DHRSX: variants seen among roughly 807,000 people sequenced by gnomAD.
DHRSX encodes dehydrogenase/reductase X-linked.
In DHRSX, 31 loss-of-function variants were observed where a neutral mutation model predicts 34.0. The observed-to-expected ratio is 0.91, with a 90% CI of 0.69 to 1.23. DHRSX has a LOEUF of 1.23. Among genes scored for constraint, DHRSX ranks in the 50% most tolerant of loss-of-function variants. DHRSX has a pLI of 0.00. For synonymous variants in DHRSX, 201 were observed against 183.8 expected (o/e 1.09, Z -0.76); for missense variants, 414 against 428.1 (o/e 0.97, Z 0.29).
chrX:2,432,128 A>G (rs2043933517), intron 1 of DHRSX, among the ~76,000 whole-genome samples: 1 of 152,038 alleles, frequency 6.6e-6, no homozygotes, highest in Non-Finnish European at 1.5e-5. Context: ...CGGGAGGTGG[A>G]GCTTGCAGTG....
chrX:2,490,800 T>G, intron 1 of DHRSX: 2 of 1,541,912 alleles, frequency 1.3e-6, no homozygotes, highest in Non-Finnish European at 1.7e-6. Context: ...AAACACAGCA[T>G]GAGAAGGGAC....
chrX:2,349,126 C>T (rs969398415), intron 3 of DHRSX, among the ~76,000 whole-genome samples: 1 of 151,998 alleles, frequency 6.6e-6, no homozygotes, highest in Non-Finnish European at 1.5e-5. Context: ...TAGAACTACT[C>T]GATGATCCAG....
chrX:2,223,070 T>C (rs140632115), intron 6 of DHRSX, among the ~76,000 whole-genome samples: 1 of 152,134 alleles, frequency 6.6e-6, no homozygotes, highest in Non-Finnish European at 1.5e-5. Flanking sequence ...CCCAGAGATC[T>C]TGCAAACCCA....
intron 4 of DHRSX, among the ~76,000 whole-genome samples, chrX:2,283,529 G>C (rs2041759602): frequency 6.6e-6 from 1 of 152,128 alleles, no homozygotes; most frequent in Non-Finnish European, 1.5e-5. Flanking sequence ...GAGTCACATA[G>C]AAAATGCCAG....
chrX:2,432,384 G>A lies in DHRSX; in HGVS notation c.110-7080C>T, dbSNP rs747360844. On this transcript the variant is annotated intron_variant, in intron 1 of 6. Coordinates refer to ENST00000334651, the MANE Select transcript of DHRSX (RefSeq NM_145177.3). ...GAATCGATTCGAAAATTGCTGTGGG[G>A]AAAAGAATTCCAAATGAGGCGGCAA... is the stretch of plus-strand genomic sequence containing the variant. 2.0e-3 allele frequency among the ~76,000 whole-genome samples: 308 copies of A among 152,228 alleles called. 3 individuals are homozygous for A. The highest frequency in any genetic ancestry group is 2.8e-3 in the Non-Finnish European group (192 of 68,008).
chrX:2,252,969 T>C (rs779701273), intron 5 of DHRSX, among the ~76,000 whole-genome samples: 2 of 152,302 alleles, frequency 1.3e-5, no homozygotes, highest in East Asian at 3.9e-4. Flanking sequence ...GCAGGTCGCT[T>C]GAGCCCAGGA....
chrX:2,224,693 T>C (rs980331034), intron 6 of DHRSX, among the ~76,000 whole-genome samples: 7 of 151,892 alleles, frequency 4.6e-5, no homozygotes, highest in African/African-American at 1.7e-4. Flanking sequence ...TGCACACAAA[T>C]ATATATACAC....
chrX:2,385,332 G>C (rs193087269), intron 3 of DHRSX, among the ~76,000 whole-genome samples: 5 of 152,178 alleles, frequency 3.3e-5, no homozygotes, highest in Middle Eastern at 3.4e-3. Flanking sequence ...TGATGGTCAT[G>C]GTTGCTTTAA....
At chrX:2,468,898 G>C (rs1199456103) in intron 1 of DHRSX, among the ~76,000 whole-genome samples, 3 of 150,140 alleles carry the variant, frequency 2.0e-5, no homozygotes, top group African/African-American at 7.4e-5. Context: ...CTAGCAATAA[G>C]GCCAAGTGAC....
chrX:2,404,241 C>A (rs2043525029), intron 3 of DHRSX, among the ~76,000 whole-genome samples: 1 of 151,960 alleles, frequency 6.6e-6, no homozygotes, highest in Non-Finnish European at 1.5e-5. Context: ...ACAGATGGGC[C>A]CTGGGCACCT....
At chrX:2,346,830 T>C (rs1403341049) in intron 3 of DHRSX, among the ~76,000 whole-genome samples, 1 of 151,890 alleles carries the variant, frequency 6.6e-6, no homozygotes. Context: ...CCCCAGTGTG[T>C]GATGTTCCCC....
intron 1 of DHRSX, among the ~76,000 whole-genome samples, chrX:2,428,911 C>T (rs1180503627): frequency 1.3e-5 from 2 of 152,072 alleles, no homozygotes; most frequent in Non-Finnish European, 2.9e-5. Context: ...GGAGGTGGGG[C>T]CTGTGGAGGA....
At chrX:2,458,776 T>C (rs1368489649) in intron 1 of DHRSX, among the ~76,000 whole-genome samples, 2 of 151,764 alleles carry the variant, frequency 1.3e-5, no homozygotes, top group Non-Finnish European at 2.9e-5. Flanking sequence ...GGAAGGAGGA[T>C]CACAGAAGGC....
At chrX:2,256,413 A>G (rs1360443717) in intron 5 of DHRSX, among the ~76,000 whole-genome samples, 6 of 150,930 alleles carry the variant, frequency 4.0e-5, no homozygotes, top group Non-Finnish European at 8.8e-5. Context: ...CTCCTGCTTC[A>G]GCCTCCAAAG....
intron 3 of DHRSX, among the ~76,000 whole-genome samples, chrX:2,327,170 G>C (rs73187643): frequency 6.6e-6 from 1 of 152,288 alleles, no homozygotes; most frequent in Non-Finnish European, 1.5e-5. Flanking sequence ...GACGCTGGCG[G>C]CCATGTACTC....
chrX:2,288,784 G>A (rs2041834602), intron 4 of DHRSX, among the ~76,000 whole-genome samples: 1 of 152,156 alleles, frequency 6.6e-6, no homozygotes, highest in South Asian at 2.1e-4. Flanking sequence ...GAAGAGATAG[G>A]GTACAGAGAC....
Position 2,342,950 on chromosome X carries a change from G to A in DHRSX, c.287-51347C>T, listed in dbSNP as rs1279029164. 2.6e-5 allele frequency among the ~76,000 whole-genome samples: 4 copies of A among 152,056 alleles called. No individual in the cohort carries two copies. In the East Asian group the frequency reaches 5.8e-4, roughly 22 times the overall value. ...TCTTCAGGTTGTGGGTGACAGAGCG[G>A]GAGCATGGCCATCTTGAACAAACAC... is the stretch of plus-strand genomic sequence containing the variant. On this transcript the variant is annotated intron_variant, in intron 3 of 6. Transcript: ENST00000334651.
intron 1 of DHRSX, among the ~76,000 whole-genome samples, chrX:2,472,061 C>G (rs73179235): frequency 0.2 from 30,078 of 149,874 alleles, 4,301 homozygotes; most frequent in African/African-American, 0.39. Flanking sequence ...AGGACAACTG[C>G]TTGAACCCGG....
At chrX:2,236,607 T>G (rs1171540164) in intron 6 of DHRSX, among the ~76,000 whole-genome samples, 7 of 152,010 alleles carry the variant, frequency 4.6e-5, no homozygotes, top group Non-Finnish European at 7.4e-5. Context: ...AATTTCTGTA[T>G]TTTTAGTAGA....
Sources: allele counts gnomAD v4.1 joint callset (sites outside exome capture counted in the v4.1 genomes callset), GRCh38; gene constraint gnomAD v4.1.1; transcripts MANE v1.5; gene names NCBI Gene and HGNC (gene_info 2026-07-23, HGNC 2026-07-21).